The following DPH6 variants were observed in gnomAD, a reference collection of about 807,000 sequenced individuals.
The protein encoded by DPH6 is diphthine--ammonia ligase.
A neutral mutation model predicts 38.2 loss-of-function variants in DPH6; 33 were observed. The observed-to-expected ratio is 0.86, with a 90% CI of 0.65 to 1.15. The LOEUF is 1.15. Ranked by LOEUF, DPH6 falls within the 50% of genes most tolerant of loss-of-function variation. DPH6 has a pLI of 0.00. For missense variants in DPH6, 325 were observed against 320.0 expected (o/e 1.02, Z -0.12); for synonymous variants, 108 against 103.0 (o/e 1.05, Z -0.30).
intron 3 of DPH6, chr15:35,237,282 A>T (rs2051559852): frequency 6.5e-7 from 1 of 1,529,110 alleles, no homozygotes; most frequent in South Asian, 1.1e-5. Context: ...CGTGTTATTG[A>T]TTGAATTCCA....
At chr15:35,477,128 C>G (rs2141139825) in intron 3 of DPH6, among the ~76,000 whole-genome samples, 1 of 151,804 alleles carries the variant, frequency 6.6e-6, no homozygotes, top group African/African-American at 2.4e-5. Context: ...TTTTACTATA[C>G]CCTATGCATA....
At chr15:35,499,798 T>C (rs1440869954) in intron 3 of DPH6, among the ~76,000 whole-genome samples, 1 of 152,218 alleles carries the variant, frequency 6.6e-6, no homozygotes, top group Non-Finnish European at 1.5e-5. Flanking sequence ...GGCCTGCCAG[T>C]TGGGAATAGG....
intron 5 of DPH6, among the ~76,000 whole-genome samples, chr15:35,449,764 A>G (rs1370697169): frequency 6.6e-6 from 1 of 152,176 alleles, no homozygotes; most frequent in African/African-American, 2.4e-5. Context: ...AAAGGCTTCA[A>G]CTGAAGACAA....
intron 3 of DPH6, among the ~76,000 whole-genome samples, chr15:35,284,452 A>C (rs1364023611): frequency 6.6e-6 from 1 of 152,042 alleles, no homozygotes; most frequent in Non-Finnish European, 1.5e-5. Flanking sequence ...GATTGCAAAA[A>C]TTTTCTGGAC....
chr15:35,423,193 T>C (rs2053527462), intron 5 of DPH6, among the ~76,000 whole-genome samples: 1 of 151,840 alleles, frequency 6.6e-6, no homozygotes, highest in African/African-American at 2.4e-5. Flanking sequence ...ATACAAGGGT[T>C]CCCTTTTCTC....
intron 3 of DPH6, among the ~76,000 whole-genome samples, chr15:35,335,355 G>A (rs1356894603): frequency 1.3e-5 from 2 of 151,978 alleles, no homozygotes; most frequent in Non-Finnish European, 2.9e-5. Context: ...TGTTTACTTT[G>A]TTGATAGTTT....
chr15:35,254,738 G>A (rs994902862), intron 3 of DPH6, among the ~76,000 whole-genome samples: 37 of 152,172 alleles, frequency 2.4e-4, no homozygotes, highest in African/African-American at 6.5e-4. Flanking sequence ...TATTTCACCT[G>A]GGTGCAGGTG....
chr15:35,198,785 AT>A, the DPH6 span, among the ~76,000 whole-genome samples: 2 of 152,250 alleles, frequency 1.3e-5, no homozygotes, highest in Middle Eastern at 3.2e-3. Flanking sequence ...TTCTTACAAG[AT>A]GAATATAGGT....
At chr15:35,286,195 A>C (rs2140441379) in intron 3 of DPH6, among the ~76,000 whole-genome samples, 1 of 152,328 alleles carries the variant, frequency 6.6e-6, no homozygotes, top group Non-Finnish European at 1.5e-5. Flanking sequence ...CCTTCCATTA[A>C]CATGAGAATT....
chr15:35,377,666 T>C (rs987795259), intron 7 of DPH6, among the ~76,000 whole-genome samples: 3 of 152,158 alleles, frequency 2.0e-5, no homozygotes, highest in Non-Finnish European at 4.4e-5. Context: ...AAAATTTCTA[T>C]CTAGAGGTGA....
chr15:35,413,575 G>A (rs1193208361), intron 5 of DPH6, among the ~76,000 whole-genome samples: 2 of 151,590 alleles, frequency 1.3e-5, no homozygotes, highest in African/African-American at 4.8e-5. Flanking sequence ...TAATCTATAT[G>A]TCTTCTATGA....
chr15:35,396,464 T>C (rs1463890833), intron 6 of DPH6: 1 of 152,118 alleles, frequency 6.6e-6, no homozygotes, highest in Admixed American at 6.5e-5. Context: ...TGAAAATACA[T>C]TGTGTTTCCC....
chr15:35,400,757 T>C, intron 6 of DPH6: 1 of 748,324 alleles, frequency 1.3e-6, no homozygotes, highest in Non-Finnish European at 2.5e-6. Context: ...GGGTTGAGCT[T>C]GGAAACAACC....
intron 3 of DPH6, among the ~76,000 whole-genome samples, chr15:35,245,374 G>T (rs1439606250): frequency 6.6e-6 from 1 of 151,620 alleles, no homozygotes; most frequent in Admixed American, 6.6e-5. Flanking sequence ...CAGTAGCTGG[G>T]ACTACAGGCG....
intron 6 of DPH6, chr15:35,400,770 T>C (rs1277892587): frequency 1.5e-5 from 11 of 754,128 alleles, no homozygotes; most frequent in Non-Finnish European, 2.2e-5. Context: ...AAACAACCGA[T>C]GAGAGCCCGA....
rs553308812 is a variant in DPH6, at chr15:35,515,847, A to G, written c.312+22427T>C. Among the ~76,000 whole-genome samples, 14 of 151,964 alleles carry G rather than the reference A, an allele frequency of 9.2e-5. No homozygotes were observed. In the South Asian group the frequency reaches 2.7e-3, roughly 29 times the overall value. ...CAGAATTTTGAGGCTGCAGTGAATT[A>G]TGCTTGTAGCACTGCACTCCAGCCT... is the stretch of plus-strand genomic sequence containing the variant. On this transcript the variant is annotated intron_variant, in intron 3 of 8. Transcript: ENST00000256538.
At chr15:35,279,402 A>G (rs1232149617) in intron 3 of DPH6, among the ~76,000 whole-genome samples, 1 of 152,072 alleles carries the variant, frequency 6.6e-6, no homozygotes, top group Non-Finnish European at 1.5e-5. Context: ...CAGGGGCAGA[A>G]GGATATGGTT....
At chr15:35,436,246 C>A (rs1251324572) in intron 5 of DPH6, among the ~76,000 whole-genome samples, 2 of 151,728 alleles carry the variant, frequency 1.3e-5, no homozygotes, top group African/African-American at 2.4e-5. Context: ...GCAGGCGGAT[C>A]ACGAGGTCAG....
chr15:35,299,301 T>C (rs764081323), intron 3 of DPH6: 1 of 1,017,328 alleles, frequency 9.8e-7, no homozygotes, highest in Non-Finnish European at 1.6e-6. Flanking sequence ...GGGCAAGAAC[T>C]GTACCTTGTT....
Sources: allele counts gnomAD v4.1 joint callset (sites outside exome capture counted in the v4.1 genomes callset), GRCh38; gene constraint gnomAD v4.1.1; transcripts MANE v1.5; gene names NCBI Gene and HGNC (gene_info 2026-07-23, HGNC 2026-07-21).